The following TP53BP1 variants were observed in gnomAD, a reference collection of about 807,000 sequenced individuals.
TP53BP1 encodes the protein tumor protein p53 binding protein 1, also known as TP53-binding protein 1.
In TP53BP1, 61 loss-of-function variants were observed where a neutral mutation model predicts 200.8. The ratio of observed to expected loss-of-function variants is 0.30; its 90% CI spans 0.25 to 0.38. The LOEUF is 0.38. TP53BP1 is among the 10% of genes least tolerant of loss of function. TP53BP1 has a pLI of 1.00. For synonymous variants in TP53BP1, 822 were observed against 844.3 expected (o/e 0.97, Z 0.46); for missense variants, 2,144 against 2,371.9 (o/e 0.90, Z 2.00).
intron 1 of TP53BP1, among the ~76,000 whole-genome samples, chr15:43,499,952 T>C (rs2079201330): frequency 6.6e-6 from 1 of 152,144 alleles, no homozygotes; most frequent in Non-Finnish European, 1.5e-5. Context: ...ATCGAAATAA[T>C]TTTAGTCATG....
At chr15:43,508,142 A>C (rs893275469) in intron 1 of TP53BP1, among the ~76,000 whole-genome samples, 1 of 152,148 alleles carries the variant, frequency 6.6e-6, no homozygotes, top group Admixed American at 6.5e-5. Context: ...TAGGTGGATC[A>C]TGAGGTCAGG....
intron 4 of TP53BP1, among the ~76,000 whole-genome samples, chr15:43,486,451 T>C (rs1310189643): frequency 5.3e-5 from 8 of 152,202 alleles, no homozygotes; most frequent in Admixed American, 2.6e-4. Context: ...CAGAACTCAA[T>C]TGTATTACTT....
chr15:43,508,359 CA>C (rs545928465), intron 1 of TP53BP1, among the ~76,000 whole-genome samples: 1 of 150,452 alleles, frequency 6.6e-6, no homozygotes, highest in African/African-American at 2.4e-5. Context: ...GACTCCGTCT[CA>C]AAAAAAAAAT....
At chr15:43,413,897 TAA>T (rs2045197463) in intron 23 of TP53BP1, among the ~76,000 whole-genome samples, 1 of 152,132 alleles carries the variant, frequency 6.6e-6, no homozygotes, top group South Asian at 2.1e-4. Flanking sequence ...TACTTGGTAA[TAA>T]AGTGTTTTTA....
chr15:43,410,555 TA>T (rs553092789), intron 24 of TP53BP1, among the ~76,000 whole-genome samples: 184 of 142,528 alleles, frequency 1.3e-3, no homozygotes, highest in African/African-American at 2.3e-3. Context: ...AATAACACAT[TA>T]AAAAAAAAAA....
chr15:43,450,239 T>C (rs1595569662), intron 12 of TP53BP1, among the ~76,000 whole-genome samples: 1 of 152,222 alleles, frequency 6.6e-6, no homozygotes, highest in African/African-American at 2.4e-5. Flanking sequence ...CAAAGCAATA[T>C]TTAAAACTCT....
chr15:43,407,830 G>A, intron 27 of TP53BP1, 113 bp downstream of exon 27: 1 of 1,138,000 alleles, frequency 8.8e-7, no homozygotes, highest in Non-Finnish European at 1.2e-6. Context: ...TCTTCTCTAA[G>A]AAACATGGAT....
intron 4 of TP53BP1, among the ~76,000 whole-genome samples, chr15:43,489,174 T>A (rs538224646): frequency 6.6e-6 from 1 of 152,378 alleles, no homozygotes; most frequent in East Asian, 1.9e-4. Flanking sequence ...TGATCACAGT[T>A]GTAATGGAAT....
rs1255822171 is a variant in TP53BP1, at chr15:43,412,908, G to A, written c.5305+211C>T. On this transcript the variant is annotated intron_variant, in intron 24 of 27. Coordinates refer to ENST00000382044, the MANE Select transcript of TP53BP1 (RefSeq NM_001141980.3). ...TATCTCCCATCTGCCTCACAGGATT[G>A]TTTTCAGGAACCACTCACTGAGAGG... The A allele has an allele frequency of 8.2e-6, 5 of 606,660 alleles. No homozygotes were observed. The Admixed American group carries it at 1.3e-4, about 16-fold the overall frequency. The allele number at this position is 606,660 out of a possible 1,614,324, so 37.6% of individuals were successfully genotyped here. A position where few individuals can be genotyped will look rare whatever the true frequency, so the allele number is the denominator to read the frequency against.
At chr15:43,468,668 G>C (rs1264783646) in intron 11 of TP53BP1, among the ~76,000 whole-genome samples, 2 of 146,600 alleles carry the variant, frequency 1.4e-5, no homozygotes, top group Admixed American at 1.4e-4. Flanking sequence ...GCAGTACCAA[G>C]TGCAAGGCAC....
chr15:43,447,746 C>A (rs896898251), intron 12 of TP53BP1, among the ~76,000 whole-genome samples: 2 of 152,028 alleles, frequency 1.3e-5, no homozygotes, highest in African/African-American at 4.8e-5. Context: ...ATTGAGAAAG[C>A]CCGAAGTCTG....
intron 1 of TP53BP1, among the ~76,000 whole-genome samples, chr15:43,507,136 TTC>T (rs913969089): frequency 1.3e-5 from 2 of 152,050 alleles, no homozygotes; most frequent in African/African-American, 4.8e-5. Flanking sequence ...TTTTGTCCAA[TTC>T]TCTTTTTTTT....
intron 11 of TP53BP1, among the ~76,000 whole-genome samples, chr15:43,460,989 G>GT (rs1273979998): frequency 6.7e-6 from 1 of 149,732 alleles, no homozygotes; most frequent in African/African-American, 2.5e-5. Flanking sequence ...GTACAACAGA[G>GT]TAAGACCCTG....
At chr15:43,454,245 T>C (rs1190841372) in intron 12 of TP53BP1, among the ~76,000 whole-genome samples, 1 of 152,188 alleles carries the variant, frequency 6.6e-6, no homozygotes, top group Admixed American at 6.5e-5. Flanking sequence ...AAAAATATGG[T>C]CACTCATACT....
At chr15:43,499,695 CAA>C (rs2079199809) in intron 1 of TP53BP1, among the ~76,000 whole-genome samples, 2 of 152,136 alleles carry the variant, frequency 1.3e-5, no homozygotes, top group Admixed American at 1.3e-4. Flanking sequence ...AAAGTCAGAG[CAA>C]GTCAGAAAAC....
At chr15:43,454,730 T>G (rs565457897) in intron 12 of TP53BP1, among the ~76,000 whole-genome samples, 1 of 151,898 alleles carries the variant, frequency 6.6e-6, no homozygotes, top group South Asian at 2.1e-4. Context: ...ACTCTACAAA[T>G]TATTTTATTT....
rs183498230 is a variant in TP53BP1, at chr15:43,478,968, T to C, written c.788+429A>G. Among the ~76,000 whole-genome samples, 9 of 152,258 alleles carry C rather than the reference T, an allele frequency of 5.9e-5. 1 individual carries two copies. The highest frequency in any genetic ancestry group is 2.6e-4 in the Admixed American group (4 of 15,302). On this transcript the variant is annotated intron_variant, in intron 7 of 27. Coordinates refer to ENST00000382044, the MANE Select transcript of TP53BP1 (RefSeq NM_001141980.3). ...GCTCACGCCTATAATCCCAGCACTT[T>C]GGGAAGCTGAGGCAGGAGGATTACT...
chr15:43,456,798 T>C lies in TP53BP1; in HGVS notation c.1810A>G (p.Ile604Val), dbSNP rs778235692. The change falls in exon 12 of 28, where the codon ATT becomes GTT. Residue 604 changes from isoleucine (I) to valine (V), a missense_variant. By Grantham distance (29) the Ile-to-Val change is conservative. Coordinates refer to ENST00000382044, the MANE Select transcript of TP53BP1 (RefSeq NM_001141980.3). ...CTGCCCTTGCAACCAGTGGCTAAAA[T>C]ACTAATGTCATCCCTGGTGTCTGTA... The part of the protein sequence containing the change: ...DDTDTRDDIS[I>V]LATGCKGREE... 3.1e-6 allele frequency: 5 copies of C among 1,614,046 alleles called. No individual in the cohort carries two copies. In the South Asian group the frequency reaches 4.4e-5, roughly 14 times the overall value.
chr15:43,481,096 A>G lies in TP53BP1; in HGVS notation c.372-74T>C, dbSNP rs2140125810. 6 of 1,551,592 alleles carry G rather than the reference A, an allele frequency of 3.9e-6. No homozygotes were observed. The South Asian group carries it at 6.8e-5, about 18-fold the overall frequency. ...CTTTAATCAGAGCACTCTGACCCCC[A>G]ACACATACCAACCATCTCTTAGCCA... On this transcript the variant is annotated intron_variant, in intron 4 of 27. Coordinates refer to ENST00000382044, the MANE Select transcript of TP53BP1 (RefSeq NM_001141980.3).
Sources: allele counts gnomAD v4.1 joint callset (sites outside exome capture counted in the v4.1 genomes callset), GRCh38; gene constraint gnomAD v4.1.1; transcripts MANE v1.5; gene names NCBI Gene and HGNC (gene_info 2026-07-23, HGNC 2026-07-21).